Variants in MTFMT observed in about 807,000 individuals in gnomAD.
The protein encoded by MTFMT is mitochondrial methionyl-tRNA formyltransferase, also known as methionyl-tRNA formyltransferase, mitochondrial.
In MTFMT, 47 loss-of-function variants were observed where a neutral mutation model predicts 51.8. The observed-to-expected ratio is 0.91, with a 90% CI of 0.72 to 1.16. The LOEUF (loss-of-function observed/expected upper bound fraction) is 1.16, where lower values mean the gene tolerates loss of function less well. Ranked by LOEUF, MTFMT falls within the 50% of genes most tolerant of loss-of-function variation. The pLI is 0.00. For missense variants in MTFMT, 512 were observed against 482.3 expected, an observed-to-expected ratio of 1.06 and a Z score of -0.58; for synonymous variants, 196 against 176.7, an observed-to-expected ratio of 1.11 and a Z score of -0.87.
At chr15:65,018,225 A>G (rs1248323148) in intron 5 of MTFMT, among the ~76,000 whole-genome samples, 2 of 151,924 alleles carry the variant, frequency 1.3e-5, no homozygotes, top group African/African-American at 4.8e-5. Context: ...AACCACATGG[A>G]AAAAATAATC....
At chr15:65,013,098 G>C (rs943346910) in intron 6 of MTFMT, among the ~76,000 whole-genome samples, 2 of 151,988 alleles carry the variant, frequency 1.3e-5, no homozygotes, top group Non-Finnish European at 2.9e-5. Context: ...TCCACAAATA[G>C]AGACAGCTTT....
At chr15:65,018,883 TAAAGAG>T (rs1417014858) in intron 5 of MTFMT, among the ~76,000 whole-genome samples, 1 of 152,118 alleles carries the variant, frequency 6.6e-6, no homozygotes, top group African/African-American at 2.4e-5. Context: ...TTATTCTAAT[TAAAGAG>T]AAAGAATTAA....
intron 2 of MTFMT, among the ~76,000 whole-genome samples, chr15:65,024,079 C>T (rs2086399291): frequency 6.6e-6 from 1 of 152,178 alleles, no homozygotes; most frequent in East Asian, 1.9e-4. Flanking sequence ...GTAATCCCAG[C>T]ACTTTGAGAG....
At chr15:65,028,326 T>A (rs377492375) in intron 1 of MTFMT, among the ~76,000 whole-genome samples, 1 of 152,154 alleles carries the variant, frequency 6.6e-6, no homozygotes, top group African/African-American at 2.4e-5. Context: ...TGAGATGGGA[T>A]GATTGCTTGA....
chr15:65,007,395 T>C (rs2086227130), intron 6 of MTFMT, among the ~76,000 whole-genome samples: 1 of 152,224 alleles, frequency 6.6e-6, no homozygotes, highest in Non-Finnish European at 1.5e-5. Flanking sequence ...AGTACATACT[T>C]ATCAATTTCA....
At chr15:65,019,626 TAG>T (rs370203359) in intron 5 of MTFMT, among the ~76,000 whole-genome samples, 19 of 151,792 alleles carry the variant, frequency 1.3e-4, no homozygotes, top group African/African-American at 4.3e-4. Flanking sequence ...GTCAATGACA[TAG>T]AGAGAGGAAA....
At chr15:65,007,249 G>T (rs2086226186) in intron 6 of MTFMT, among the ~76,000 whole-genome samples, 1 of 152,148 alleles carries the variant, frequency 6.6e-6, no homozygotes, top group Non-Finnish European at 1.5e-5. Context: ...ACCTTTCAAT[G>T]TGTCCACGTG....
chr15:65,027,095 AAACTACTTC>A (rs2086431944), intron 1 of MTFMT, 55 bp from the exon 2 acceptor site: 2 of 1,285,492 alleles, frequency 1.6e-6, no homozygotes, highest in East Asian at 4.8e-5. Context: ...CTCAAAGCTA[AAACTACTTC>A]ACATATCGCT....
At chr15:65,005,101 G>A (rs547721977) in intron 7 of MTFMT, among the ~76,000 whole-genome samples, 165 bp from the exon 8 acceptor site, 1 of 152,338 alleles carries the variant, frequency 6.6e-6, no homozygotes, top group African/African-American at 2.4e-5. Context: ...GGAAACCACA[G>A]TGCTCTCTGT....
intron 1 of MTFMT, 112 bp from the exon 2 acceptor site, chr15:65,027,152 C>T (rs1442210479): frequency 5.2e-6 from 4 of 766,486 alleles, no homozygotes; most frequent in Admixed American, 2.6e-5. Context: ...GCATTTAGGG[C>T]TAAATGATTA....
At chr15:65,029,344 C>T in intron 1 of MTFMT, 61 bp downstream of exon 1, 1 of 1,349,320 alleles carries the variant, frequency 7.4e-7, no homozygotes, top group Non-Finnish European at 9.5e-7. Flanking sequence ...TCGGGGCCGG[C>T]CGCCCGGGCG....
chr15:65,015,903 T>C (rs1400919436), intron 6 of MTFMT: 1 of 152,320 alleles, frequency 6.6e-6, no homozygotes, highest in Non-Finnish European at 1.5e-5. Context: ...ATAACACAAG[T>C]AGCTATTGAA....
chr15:65,012,302 TATA>T (rs367734371), intron 6 of MTFMT, among the ~76,000 whole-genome samples: 39 of 142,632 alleles, frequency 2.7e-4, no homozygotes, highest in South Asian at 5.5e-4. Flanking sequence ...GAACTTAAAG[TATA>T]ATAATAATAA....
At chr15:65,008,483 A>C (rs2086236703) in intron 6 of MTFMT, among the ~76,000 whole-genome samples, 1 of 152,224 alleles carries the variant, frequency 6.6e-6, no homozygotes, top group Non-Finnish European at 1.5e-5. Flanking sequence ...CCTCTATTTC[A>C]TACATGAAGA....
At chr15:65,019,035 A>G (rs2086348016) in intron 5 of MTFMT, among the ~76,000 whole-genome samples, 1 of 152,244 alleles carries the variant, frequency 6.6e-6, no homozygotes, top group South Asian at 2.1e-4. Context: ...TAGTGAAATA[A>G]TTCATTTGGG....
At position 65,002,055 on chromosome 15, in the gene MTFMT, C is replaced by T. The variant is rs2086180228; in HGVS notation, c.*1007G>A. The T allele has an allele frequency of 6.6e-6, 1 of 151,986 alleles. No individual in the cohort carries two copies. Among genetic ancestry groups the T allele is most frequent in the Non-Finnish European group, 1.5e-5 (1 of 68,008 alleles). The allele number at this position is 151,986 out of a possible 1,614,324, so 9.4% of individuals were successfully genotyped here. A position where few individuals can be genotyped will look rare whatever the true frequency, so the allele number is the denominator to read the frequency against. On this transcript the variant is annotated 3_prime_UTR_variant, in exon 9 of 9. Transcript: ENST00000220058. ...TGCAGATTCAATACTCCTAAAATGT[C>T]AGTGGTGACACGATTTTTAAAAAAT...
chr15:65,019,074 T>C (rs1020703238), intron 5 of MTFMT, among the ~76,000 whole-genome samples: 4 of 152,180 alleles, frequency 2.6e-5, no homozygotes, highest in Non-Finnish European at 5.9e-5. Flanking sequence ...ACTAAAACCA[T>C]CATGTGAAAG....
intron 6 of MTFMT, among the ~76,000 whole-genome samples, chr15:65,015,491 A>G (rs1325812610): frequency 6.6e-6 from 1 of 152,180 alleles, no homozygotes; most frequent in African/African-American, 2.4e-5. Flanking sequence ...ATAGATATCC[A>G]ATGGTGGTTC....
chr15:65,004,028 T>C (rs978077212), intron 8 of MTFMT, among the ~76,000 whole-genome samples: 1 of 151,910 alleles, frequency 6.6e-6, no homozygotes, highest in African/African-American at 2.4e-5. Flanking sequence ...TTTTCTTTTT[T>C]TTTTTGAGAT....
Sources: gnomAD v4.1 joint callset for allele counts (sites outside exome capture counted in the v4.1 genomes callset) on GRCh38, gnomAD v4.1.1 for gene constraint, MANE v1.5 for transcripts, NCBI Gene and HGNC (gene_info 2026-07-23, HGNC 2026-07-21) for gene names.